The following REEP3 variants were observed in gnomAD, a reference collection of about 807,000 sequenced individuals.
REEP3 encodes the protein receptor expression-enhancing protein 3.
REEP3 carries 20 observed loss-of-function variants against 41.3 expected under a neutral mutation model. The ratio of observed to expected loss-of-function variants is 0.48; its 90% CI spans 0.34 to 0.70. REEP3 has a LOEUF of 0.70. Among genes scored for constraint, REEP3 ranks in the 30% least tolerant of loss-of-function variants. REEP3 has a pLI of 0.01. For missense variants in REEP3, 271 were observed against 308.8 expected (o/e 0.88, Z 0.92); for synonymous variants, 104 against 101.8 (o/e 1.02, Z -0.13).
chr10:63,594,782 G>A lies in REEP3; in HGVS notation c.110G>A (p.Arg37Gln), dbSNP rs746739709. 6.2e-6 allele frequency: 10 copies of A among 1,602,486 alleles called. No individual in the cohort carries two copies. Among genetic ancestry groups the A allele is most frequent in the Middle Eastern group, 1.7e-4 (1 of 6,046 alleles). The change falls in exon 3 of 8, where the codon CGA becomes CAA. Residue 37 changes from arginine (R) to glutamine (Q), a missense_variant. By Grantham distance (43) the Arg-to-Gln change is conservative. Transcript: ENST00000373758. Reference sequence around the variant, plus strand: ...GAGTATTTTTATTATTTCCAGGTTCGATGGATGATGTACTGGATTGTTTTT... The same window carrying A: ...GAGTATTTTTATTATTTCCAGGTTCAATGGATGATGTACTGGATTGTTTTT... ...VKTKNVKEYV[R>Q]WMMYWIVFAL...
chr10:63,561,196 G>T (rs1053060747), intron 1 of REEP3, among the ~76,000 whole-genome samples: 4 of 152,300 alleles, frequency 2.6e-5, no homozygotes, highest in African/African-American at 9.6e-5. Context: ...GAGAGAAAAT[G>T]ATCTGCTTTG....
In REEP3 at chr10:63,598,045, G is replaced by A; in HGVS notation, c.204G>A (p.Leu68=). The change falls in exon 4 of 8, where the codon CTG becomes CTA. Residue 68 remains leucine, a synonymous_variant. Coordinates refer to ENST00000373758, the MANE Select transcript of REEP3 (RefSeq NM_001001330.3). ...TVAWFPLYYE[L]KIAFVIWLLS... ...TTAGGTTTCCCCTGTACTATGAGCT[G>A]AAGATTGCTTTTGTCATATGGCTGC... is the stretch of plus-strand genomic sequence containing the variant. 1.9e-6 allele frequency: 3 copies of A among 1,612,572 alleles called. No homozygotes were observed. The highest frequency in any genetic ancestry group is 1.7e-6 in the Non-Finnish European group (2 of 1,178,784).
rs145251570 is a variant in REEP3 at position 63,614,206 on chromosome 10, G to A, written c.565+3872G>A. On this transcript the variant is annotated intron_variant, in intron 6 of 7. Coordinates refer to ENST00000373758, the MANE Select transcript of REEP3 (RefSeq NM_001001330.3). Reference sequence around the variant, plus strand: ...AAAAATAGTAATAATAATAATTTTCGTTTGCCAGATTGGCCAAAAAAAAAT... The same window carrying A: ...AAAAATAGTAATAATAATAATTTTCATTTGCCAGATTGGCCAAAAAAAAAT... Among the ~76,000 whole-genome samples the A allele has an allele frequency of 1.8e-4, 27 of 152,130 alleles. No individual in the cohort carries two copies. The South Asian group carries it at 2.1e-3, about 12-fold the overall frequency.
intron 1 of REEP3, among the ~76,000 whole-genome samples, chr10:63,560,153 T>C (rs544494915): frequency 6.6e-6 from 1 of 152,196 alleles, no homozygotes; most frequent in Non-Finnish European, 1.5e-5. Context: ...AACTAGGTAA[T>C]AGGTAATGGA....
chr10:63,542,646 T>G (rs1251632544), intron 1 of REEP3, among the ~76,000 whole-genome samples: 7 of 152,180 alleles, frequency 4.6e-5, no homozygotes. Flanking sequence ...AAGGCACTAA[T>G]CAGTATTTCA....
intron 1 of REEP3, among the ~76,000 whole-genome samples, chr10:63,549,569 G>C (rs1404986117): frequency 6.6e-6 from 1 of 152,194 alleles, no homozygotes; most frequent in Non-Finnish European, 1.5e-5. Flanking sequence ...GGAATAGAGA[G>C]AAAAGCTGCT....
intron 1 of REEP3, among the ~76,000 whole-genome samples, chr10:63,559,007 TTG>T (rs1955716552): frequency 6.6e-6 from 1 of 151,604 alleles, no homozygotes; most frequent in Admixed American, 6.6e-5. Context: ...AATTTTTTTG[TTG>T]TTGTTTAGAA....
At chr10:63,574,852 T>TTTTC (rs1955883975) in intron 2 of REEP3, among the ~76,000 whole-genome samples, 2 of 97,372 alleles carry the variant, frequency 2.1e-5, no homozygotes, top group African/African-American at 3.4e-5. Context: ...AATTTCTTTT[T>TTTTC]TTTTTTTTTT....
At chr10:63,552,196 A>C (rs1757424011) in intron 1 of REEP3, among the ~76,000 whole-genome samples, 1 of 152,074 alleles carries the variant, frequency 6.6e-6, no homozygotes, top group Admixed American at 6.6e-5. Flanking sequence ...CGAGGTCAGG[A>C]GATCAAGACC....
At chr10:63,556,319 A>G (rs900028917) in intron 1 of REEP3, among the ~76,000 whole-genome samples, 1 of 151,324 alleles carries the variant, frequency 6.6e-6, no homozygotes, top group East Asian at 2.0e-4. Flanking sequence ...ACAGGGTTTC[A>G]CCATGTTGGT....
At position 63,544,881 on chromosome 10, in the gene REEP3, A is replaced by G. The variant is rs572806650; in HGVS notation, c.33-21457A>G. 2.6e-5 allele frequency among the ~76,000 whole-genome samples: 4 copies of G among 152,304 alleles called. No individual in the cohort carries two copies. In the East Asian group the frequency reaches 7.7e-4, roughly 29 times the overall value. On this transcript the variant is annotated intron_variant, in intron 1 of 7. Transcript: ENST00000373758. The stretch of plus-strand genomic sequence containing the variant: ...AGACGACCCAATTCTCCCCGTATGT[A>G]TATGCATTAGGGATTAGTTAAATGT...
At chr10:63,606,862 C>T (rs188311664) in intron 5 of REEP3, among the ~76,000 whole-genome samples, 1 of 152,274 alleles carries the variant, frequency 6.6e-6, no homozygotes, top group East Asian at 1.9e-4. Flanking sequence ...TCCCATCTGC[C>T]TAAACATTGT....
At chr10:63,612,195 G>T (rs1390893707) in intron 6 of REEP3, among the ~76,000 whole-genome samples, 1 of 151,598 alleles carries the variant, frequency 6.6e-6, no homozygotes, top group Non-Finnish European at 1.5e-5. Context: ...TTTATTTTGA[G>T]ACAGGGTCTC....
intron 2 of REEP3, among the ~76,000 whole-genome samples, chr10:63,593,622 A>G (rs1207333073): frequency 6.6e-6 from 1 of 152,162 alleles, no homozygotes; most frequent in African/African-American, 2.4e-5. Context: ...AGAGATTTTA[A>G]TCGTACGTGA....
chr10:63,582,752 T>G (rs1027889224), intron 2 of REEP3, among the ~76,000 whole-genome samples: 1 of 151,932 alleles, frequency 6.6e-6, no homozygotes, highest in Non-Finnish European at 1.5e-5. Flanking sequence ...CATAGCTTTC[T>G]GCAGCCTCTG....
chr10:63,609,495 C>G (rs186827709), intron 5 of REEP3, among the ~76,000 whole-genome samples: 2 of 151,300 alleles, frequency 1.3e-5, no homozygotes, highest in Non-Finnish European at 2.9e-5. Flanking sequence ...CTTAGTGGCT[C>G]ACATCTAAAA....
intron 6 of REEP3, among the ~76,000 whole-genome samples, chr10:63,616,181 A>G (rs745482768): frequency 6.6e-6 from 1 of 152,152 alleles, no homozygotes; most frequent in Non-Finnish European, 1.5e-5. Flanking sequence ...AGTGCTAGCC[A>G]TACAGAATCA....
intron 1 of REEP3, among the ~76,000 whole-genome samples, chr10:63,533,997 C>A (rs1024804337): frequency 1.3e-5 from 2 of 151,728 alleles, no homozygotes; most frequent in African/African-American, 4.8e-5. Context: ...CATGACCCAC[C>A]GCGCTTGCCC....
intron 1 of REEP3, among the ~76,000 whole-genome samples, chr10:63,524,768 G>T (rs531165540): frequency 1.3e-5 from 2 of 152,242 alleles, no homozygotes; most frequent in Non-Finnish European, 2.9e-5. Flanking sequence ...TTACAGCTGC[G>T]TGGTCTTGGG....
Sources: gnomAD v4.1 joint callset for allele counts (sites outside exome capture counted in the v4.1 genomes callset) on GRCh38, gnomAD v4.1.1 for gene constraint, MANE v1.5 for transcripts, NCBI Gene and HGNC (gene_info 2026-07-23, HGNC 2026-07-21) for gene names.